CAMTA1: variants seen among roughly 807,000 people sequenced by gnomAD.
CAMTA1 encodes the protein calmodulin binding transcription activator 1.
CAMTA1 carries 27 observed loss-of-function variants against 170.9 expected under a neutral mutation model. The ratio of observed to expected loss-of-function variants is 0.16; its 90% CI spans 0.12 to 0.22. The LOEUF is 0.22. CAMTA1 is among the 10% of genes least tolerant of loss of function. The pLI is 1.00. For missense variants in CAMTA1, 1,619 were observed against 2,217.2 expected, an observed-to-expected ratio of 0.73 and a Z score of 5.42; for synonymous variants, 833 against 891.5, an observed-to-expected ratio of 0.93 and a Z score of 1.17.
chr1:6,949,716 C>T (rs1688156021), intron 3 of CAMTA1, among the ~76,000 whole-genome samples: 1 of 152,256 alleles, frequency 6.6e-6, no homozygotes, highest in Non-Finnish European at 1.5e-5. Flanking sequence ...CCCCAATCTT[C>T]TCACTGTAGA....
At chr1:6,841,737 A>G (rs1047075474) in intron 3 of CAMTA1, among the ~76,000 whole-genome samples, 6 of 152,202 alleles carry the variant, frequency 3.9e-5, no homozygotes, top group Admixed American at 1.3e-4. Flanking sequence ...GGAAGAGATT[A>G]ACTGGATGAA....
intron 5 of CAMTA1, among the ~76,000 whole-genome samples, chr1:7,358,629 G>C (rs1325223336): frequency 6.6e-6 from 1 of 152,196 alleles, no homozygotes; most frequent in Non-Finnish European, 1.5e-5. Flanking sequence ...ACCTCTGTGA[G>C]CTTGCAGGAA....
chr1:6,988,675 C>CT (rs1227337183), intron 3 of CAMTA1, among the ~76,000 whole-genome samples: 1 of 151,600 alleles, frequency 6.6e-6, no homozygotes, highest in Non-Finnish European at 1.5e-5. Flanking sequence ...GAGCATCATT[C>CT]TGTGAAGAGT....
intron 3 of CAMTA1, among the ~76,000 whole-genome samples, chr1:6,940,628 G>A (rs1019797463): frequency 3.0e-4 from 46 of 152,290 alleles, no homozygotes; most frequent in African/African-American, 9.6e-4. Flanking sequence ...TCTGTGAATC[G>A]TTCAGCAGAA....
intron 5 of CAMTA1, among the ~76,000 whole-genome samples, chr1:7,432,700 G>A (rs539002643): frequency 4.6e-5 from 7 of 152,332 alleles, no homozygotes; most frequent in Non-Finnish European, 7.4e-5. Flanking sequence ...TCCCCACACA[G>A]CAGCTGCCTT....
intron 5 of CAMTA1, among the ~76,000 whole-genome samples, chr1:7,387,913 A>G (rs2088196541): frequency 6.6e-6 from 1 of 152,176 alleles, no homozygotes; most frequent in Non-Finnish European, 1.5e-5. Context: ...CAGATAATGT[A>G]CAGAAAGCCC....
At chr1:6,894,351 T>G (rs985685065) in intron 3 of CAMTA1, among the ~76,000 whole-genome samples, 4 of 152,366 alleles carry the variant, frequency 2.6e-5, no homozygotes, top group Admixed American at 2.6e-4. Context: ...TATGCTATAC[T>G]GAATATTTCA....
At chr1:7,177,781 T>G (rs755298123) in intron 4 of CAMTA1, among the ~76,000 whole-genome samples, 4 of 141,390 alleles carry the variant, frequency 2.8e-5, no homozygotes, top group African/African-American at 5.4e-5. Flanking sequence ...ACGCCAAGGC[T>G]CCTCCCTACA....
intron 6 of CAMTA1, among the ~76,000 whole-genome samples, chr1:7,485,970 CACA>C (rs2093612547): frequency 6.6e-6 from 1 of 152,244 alleles, no homozygotes; most frequent in Non-Finnish European, 1.5e-5. Context: ...AGTGCACGCT[CACA>C]ACATTAGCCC....
At chr1:7,157,724 C>G (rs1646977221) in intron 4 of CAMTA1, among the ~76,000 whole-genome samples, 1 of 152,140 alleles carries the variant, frequency 6.6e-6, no homozygotes, top group Non-Finnish European at 1.5e-5. Flanking sequence ...CATATGTTCA[C>G]AAAAAGACTT....
Position 7,248,313 on chromosome 1 carries a change from G to A in CAMTA1, c.303-1178G>A, listed in dbSNP as rs766649360. Reference sequence around the variant, plus strand: ...GCTGACTTATGGTTTCCTCGCCTCCGTTGTAGCAGAGCAACATACAAGCCA... The same window carrying A: ...GCTGACTTATGGTTTCCTCGCCTCCATTGTAGCAGAGCAACATACAAGCCA... On this transcript the variant is annotated intron_variant, in intron 4 of 22. Coordinates refer to ENST00000303635, the MANE Select transcript of CAMTA1 (RefSeq NM_015215.4). This position sits in a 1 kb window ranked among gnomAD's most constrained non-coding sequence, Gnocchi z 4.0. 2.2e-4 allele frequency among the ~76,000 whole-genome samples: 33 copies of A among 152,296 alleles called. No homozygotes were observed. The highest frequency in any genetic ancestry group is 7.9e-4 in the African/African-American group (33 of 41,560).
chr1:6,912,136 G>A (rs1679840411), intron 3 of CAMTA1, among the ~76,000 whole-genome samples: 1 of 152,182 alleles, frequency 6.6e-6, no homozygotes, highest in Non-Finnish European at 1.5e-5. Flanking sequence ...AGGAACATAA[G>A]ACAGACTTGC....
At chr1:7,522,125 C>T (rs929220000) in intron 6 of CAMTA1, among the ~76,000 whole-genome samples, 9 of 152,156 alleles carry the variant, frequency 5.9e-5, no homozygotes, top group Non-Finnish European at 7.3e-5. Context: ...CGGGGTATGA[C>T]GGATCCGGTT....
At chr1:7,740,193 G>C (rs532323867) in intron 16 of CAMTA1, among the ~76,000 whole-genome samples, 2 of 152,334 alleles carry the variant, frequency 1.3e-5, no homozygotes, top group South Asian at 4.1e-4. Flanking sequence ...TTTTAGACAA[G>C]AGTCTGGTAC....
At chr1:6,898,319 C>T (rs895355446) in intron 3 of CAMTA1, among the ~76,000 whole-genome samples, 5 of 152,196 alleles carry the variant, frequency 3.3e-5, no homozygotes, top group East Asian at 1.9e-4. Flanking sequence ...TCTGGGAGGC[C>T]GAGGCAGGCA....
intron 4 of CAMTA1, among the ~76,000 whole-genome samples, chr1:7,191,757 A>T (rs1390814299): frequency 6.6e-6 from 1 of 152,230 alleles, no homozygotes; most frequent in African/African-American, 2.4e-5. Context: ...ACGCTTTGTC[A>T]TCGACAGTTT....
At chr1:7,551,539 C>G (rs1398648462) in intron 6 of CAMTA1, among the ~76,000 whole-genome samples, 1 of 152,162 alleles carries the variant, frequency 6.6e-6, no homozygotes, top group Non-Finnish European at 1.5e-5. Flanking sequence ...CTGTGTCCAT[C>G]GGGTCACGTC....
chr1:7,230,142 C>G (rs527690821), intron 4 of CAMTA1, among the ~76,000 whole-genome samples: 16 of 152,190 alleles, frequency 1.1e-4, no homozygotes, highest in Admixed American at 1.0e-3. Context: ...GAAAGCCCAG[C>G]CTGGCCTGGC....
chr1:6,887,577 A>G lies in CAMTA1; in HGVS notation c.234+62367A>G, dbSNP rs1373932801. 4 of 1,518,740 alleles carry G rather than the reference A, an allele frequency of 2.6e-6. No individual in the cohort carries two copies. Among genetic ancestry groups the G allele is most frequent in the African/African-American group, 1.4e-5 (1 of 72,246 alleles). The allele number at this position is 1,518,740 out of a possible 1,614,324, so 94.1% of individuals were successfully genotyped here. ...TCTCCTCCTCTCTCTGCCTCTGGAA[A>G]TGGGGCAAATTTTTCTTCAGTTAAA... is the stretch of plus-strand genomic sequence containing the variant. On this transcript the variant is annotated intron_variant, in intron 3 of 22. Coordinates refer to ENST00000303635, the MANE Select transcript of CAMTA1 (RefSeq NM_015215.4). This position sits in a 1 kb window ranked among gnomAD's most constrained non-coding sequence, Gnocchi z 4.1.
Sources: allele counts gnomAD v4.1 joint callset (sites outside exome capture counted in the v4.1 genomes callset), GRCh38; gene constraint gnomAD v4.1.1; non-coding constraint Gnocchi (gnomAD v3.1); transcripts MANE v1.5; gene names NCBI Gene and HGNC (gene_info 2026-07-23, HGNC 2026-07-21).